Variants in MALRD1 observed in about 807,000 individuals in gnomAD.
The protein encoded by MALRD1 is MAM and LDL receptor class A domain containing 1, also known as MAM and LDL-receptor class A domain-containing protein 1.
A neutral mutation model predicts 242.1 loss-of-function variants in MALRD1; 247 were observed. The ratio of observed to expected loss-of-function variants is 1.02; its 90% CI spans 0.92 to 1.13. The LOEUF (loss-of-function observed/expected upper bound fraction) is 1.13, where lower values mean the gene tolerates loss of function less well. MALRD1 is among the 50% of genes most tolerant of loss of function. The pLI, the probability that MALRD1 is intolerant of heterozygous loss-of-function variation, is 0.00. For synonymous variants in MALRD1, 995 were observed against 866.6 expected (o/e 1.15, Z -2.60); for missense variants, 2,989 against 2,533.1 (o/e 1.18, Z -3.86).
chr10:19,592,355 A>G (rs1181394053), intron 33 of MALRD1, among the ~76,000 whole-genome samples: 1 of 152,208 alleles, frequency 6.6e-6, no homozygotes, highest in Non-Finnish European at 1.5e-5. Flanking sequence ...CTCTTCGTAG[A>G]TGCCCTACAT....
At chr10:19,165,890 CA>C (rs1363778761) in intron 13 of MALRD1, 80 bp downstream of exon 13, 1 of 1,043,856 alleles carries the variant, frequency 9.6e-7, no homozygotes, top group Non-Finnish European at 1.2e-6. Flanking sequence ...ATATAACACA[CA>C]TAGCTCATAC....
At chr10:19,235,332 T>A (rs1026142334) in intron 18 of MALRD1, among the ~76,000 whole-genome samples, 2 of 152,170 alleles carry the variant, frequency 1.3e-5, no homozygotes, top group Middle Eastern at 6.8e-3. Flanking sequence ...AAATGGTATC[T>A]CATTGTGTTT....
chr10:19,620,715 A>G (rs1442340259), intron 36 of MALRD1, among the ~76,000 whole-genome samples: 3 of 152,094 alleles, frequency 2.0e-5, no homozygotes, highest in South Asian at 2.1e-4. Flanking sequence ...TCCCTAATGT[A>G]TAACTGAGAT....
At chr10:19,366,608 T>C (rs1221005906) in intron 26 of MALRD1, among the ~76,000 whole-genome samples, 1 of 151,584 alleles carries the variant, frequency 6.6e-6, no homozygotes, top group South Asian at 2.1e-4. Context: ...TTTACTTGTT[T>C]ATTTTAAATT....
At chr10:19,102,053 A>G (rs1588545620) in intron 4 of MALRD1, among the ~76,000 whole-genome samples, 1 of 103,628 alleles carries the variant, frequency 9.6e-6, no homozygotes, top group Non-Finnish European at 1.9e-5. Flanking sequence ...TATAATCTAT[A>G]TTATAATATA....
chr10:19,236,352 G>A (rs1838316743), intron 18 of MALRD1, among the ~76,000 whole-genome samples: 1 of 152,180 alleles, frequency 6.6e-6, no homozygotes, highest in Admixed American at 6.5e-5. Flanking sequence ...GGATGCTCAT[G>A]TAGGTGTAAC....
chr10:19,530,376 TA>T (rs1564417089), intron 31 of MALRD1, among the ~76,000 whole-genome samples: 20 of 89,880 alleles, frequency 2.2e-4, no homozygotes, highest in African/African-American at 1.4e-3. Context: ...AATATTTATA[TA>T]AATATTATAT....
chr10:19,238,494 A>G (rs910665712), intron 18 of MALRD1, among the ~76,000 whole-genome samples: 541 of 7,552 alleles, frequency 0.072, 84 homozygotes, highest in African/African-American at 0.2. Flanking sequence ...TATATATAAT[A>G]TATAATATAA....
At chr10:19,561,837 AC>A (rs1372989695) in intron 32 of MALRD1, among the ~76,000 whole-genome samples, 1 of 151,638 alleles carries the variant, frequency 6.6e-6, no homozygotes, top group African/African-American at 2.4e-5. Flanking sequence ...TCCCTCCTAT[AC>A]TTTTGTTAGG....
chr10:19,661,482 G>A (rs1324731161), intron 36 of MALRD1, among the ~76,000 whole-genome samples: 16 of 152,158 alleles, frequency 1.1e-4, no homozygotes. Context: ...CATGTCCTTT[G>A]TAGGGACATG....
chr10:19,227,399 G>A (rs891720734), intron 18 of MALRD1, among the ~76,000 whole-genome samples: 2 of 151,952 alleles, frequency 1.3e-5, no homozygotes, highest in Non-Finnish European at 2.9e-5. Context: ...TATAAAGATG[G>A]TACTATTAAA....
At chr10:19,651,860 A>G (rs749500683) in intron 36 of MALRD1, among the ~76,000 whole-genome samples, 8 of 152,208 alleles carry the variant, frequency 5.3e-5, no homozygotes, top group Non-Finnish European at 1.0e-4. Context: ...ATTTAAATAC[A>G]GAGGAAGAAT....
At chr10:19,673,521 G>C (rs1842015315) in intron 36 of MALRD1, among the ~76,000 whole-genome samples, 1 of 152,162 alleles carries the variant, frequency 6.6e-6, no homozygotes, top group South Asian at 2.1e-4. Flanking sequence ...ATTTAGTTAA[G>C]ATGTTCACAT....
intron 29 of MALRD1, among the ~76,000 whole-genome samples, chr10:19,452,231 A>G (rs896328665): frequency 6.6e-6 from 1 of 152,222 alleles, no homozygotes; most frequent in East Asian, 1.9e-4. Flanking sequence ...GGGTTGATTC[A>G]GGACAGAAGG....
chr10:19,550,854 T>C (rs1835442097), intron 32 of MALRD1, among the ~76,000 whole-genome samples: 1 of 152,198 alleles, frequency 6.6e-6, no homozygotes, highest in Admixed American at 6.5e-5. Flanking sequence ...TTTTGGGCGG[T>C]ATATACCCCA....
intron 1 of MALRD1, among the ~76,000 whole-genome samples, chr10:19,059,308 T>C (rs1219386000): frequency 6.6e-5 from 10 of 150,898 alleles, no homozygotes. Context: ...TATCTCTGTG[T>C]GTTGGGCTTC....
chr10:19,073,244 G>T (rs1202819845), intron 2 of MALRD1, among the ~76,000 whole-genome samples: 1 of 151,998 alleles, frequency 6.6e-6, no homozygotes, highest in Non-Finnish European at 1.5e-5. Flanking sequence ...TGGTAGTTGT[G>T]TTATTTTAAA....
rs186684436 is a variant in MALRD1 at position 19,182,376 on chromosome 10, G to A, written c.1951+7048G>A. 2.6e-3 allele frequency among the ~76,000 whole-genome samples: 353 copies of A among 136,934 alleles called. 1 individual carries two copies. Among genetic ancestry groups the A allele is most frequent in the African/African-American group, 9.1e-3 (335 of 36,792 alleles). The allele number at this position is 136,934 out of a possible 152,430, so 89.8% of individuals were successfully genotyped here. A position where few individuals can be genotyped will look rare whatever the true frequency, so the allele number is the denominator to read the frequency against. ...GACGGAGTCTGTTGCCCAGGCTGGA[G>A]TGCAGTGGTGCGATATGGGCTTACT... On this transcript the variant is annotated intron_variant, in intron 14 of 39. Coordinates refer to ENST00000454679, the MANE Select transcript of MALRD1 (RefSeq NM_001142308.3).
chr10:19,099,763 A>ATTTTTT (rs201815577), intron 4 of MALRD1, among the ~76,000 whole-genome samples: 139 of 149,326 alleles, frequency 9.3e-4, no homozygotes, highest in Non-Finnish European at 1.4e-3. Context: ...ATATATATAT[A>ATTTTTT]TTTTTTTTAA....
Sources: gnomAD v4.1 joint callset for allele counts (sites outside exome capture counted in the v4.1 genomes callset) on GRCh38, gnomAD v4.1.1 for gene constraint, MANE v1.5 for transcripts, NCBI Gene and HGNC (gene_info 2026-07-23, HGNC 2026-07-21) for gene names.